Variants in KCNMB2 observed in about 807,000 individuals in gnomAD.
KCNMB2 encodes calcium-activated potassium channel subunit beta-2.
A neutral mutation model predicts 24.5 loss-of-function variants in KCNMB2; 9 were observed. That is an observed-to-expected ratio of 0.37 (90% confidence interval 0.22 to 0.64). KCNMB2 has a LOEUF of 0.64. KCNMB2 is among the 30% of genes least tolerant of loss of function. KCNMB2 has a pLI of 0.63. For missense variants in KCNMB2, 226 were observed against 284.3 expected (o/e 0.79, Z 1.47); for synonymous variants, 109 against 104.4 (o/e 1.04, Z -0.27).
intron 1 of KCNMB2, among the ~76,000 whole-genome samples, chr3:178,617,822 C>CAGAGATTGCAG (rs1718764800): frequency 6.9e-6 from 1 of 145,286 alleles, no homozygotes; most frequent in African/African-American, 2.6e-5. Context: ...ACCCAGGAGG[C>CAGAGATTGCAG]AGAGATTGCA....
intron 1 of KCNMB2, among the ~76,000 whole-genome samples, chr3:178,683,976 A>G (rs1215975337): frequency 6.6e-6 from 1 of 152,162 alleles, no homozygotes; most frequent in Non-Finnish European, 1.5e-5. Flanking sequence ...AGAGTAAATG[A>G]GAAGTGGAGA....
chr3:178,624,145 A>C (rs1024728348), intron 1 of KCNMB2, among the ~76,000 whole-genome samples: 2 of 152,198 alleles, frequency 1.3e-5, no homozygotes, highest in African/African-American at 4.8e-5. Context: ...TGCCACCAGC[A>C]TTCAAGTAAG....
intron 1 of KCNMB2, among the ~76,000 whole-genome samples, chr3:178,735,424 T>A (rs958768758): frequency 6.6e-6 from 1 of 152,232 alleles, no homozygotes; most frequent in Non-Finnish European, 1.5e-5. Flanking sequence ...TAGAGCAGAT[T>A]ATCTGCATAA....
chr3:178,614,297 G>GTA (rs1718620687), intron 1 of KCNMB2, among the ~76,000 whole-genome samples: 2 of 54,594 alleles, frequency 3.7e-5, no homozygotes, highest in African/African-American at 1.4e-4. Context: ...ATATATATAT[G>GTA]TATGTATATA....
chr3:178,558,360 C>T (rs34468918), intron 1 of KCNMB2, among the ~76,000 whole-genome samples: 53,430 of 152,088 alleles, frequency 0.35, 10,610 homozygotes, highest in East Asian at 0.6. Context: ...TAAAAAGGAG[C>T]TGTGTGTGTA....
At chr3:178,634,145 G>C (rs1019566621) in intron 1 of KCNMB2, among the ~76,000 whole-genome samples, 3 of 152,132 alleles carry the variant, frequency 2.0e-5, no homozygotes, top group African/African-American at 7.2e-5. Context: ...CAAGTCTCTA[G>C]AAAGTTCCAA....
intron 1 of KCNMB2, among the ~76,000 whole-genome samples, chr3:178,682,494 C>G (rs557345204): frequency 1.3e-5 from 2 of 152,198 alleles, no homozygotes; most frequent in South Asian, 4.2e-4. Context: ...AGTTCTAAGT[C>G]AACACTGTCC....
chr3:178,631,722 C>T (rs1719326619), intron 1 of KCNMB2, among the ~76,000 whole-genome samples: 1 of 152,174 alleles, frequency 6.6e-6, no homozygotes, highest in Non-Finnish European at 1.5e-5. Flanking sequence ...AATGGGACTA[C>T]TAACTAAAAT....
intron 1 of KCNMB2, among the ~76,000 whole-genome samples, chr3:178,768,755 A>T (rs1712226049): frequency 6.6e-6 from 1 of 152,204 alleles, no homozygotes; most frequent in Non-Finnish European, 1.5e-5. Flanking sequence ...TTTTCGCCTC[A>T]TAGATCTTAC....
At chr3:178,561,511 C>T (rs544429970) in intron 1 of KCNMB2, among the ~76,000 whole-genome samples, 17 of 152,266 alleles carry the variant, frequency 1.1e-4, no homozygotes, top group African/African-American at 3.9e-4. Flanking sequence ...CCTTTTCACG[C>T]CTAAATCTCC....
chr3:178,649,938 G>A (rs1720049870), intron 1 of KCNMB2, among the ~76,000 whole-genome samples: 1 of 152,032 alleles, frequency 6.6e-6, no homozygotes, highest in Non-Finnish European at 1.5e-5. Flanking sequence ...TGATGTTAGG[G>A]TATTGATCTT....
At chr3:178,661,807 T>G (rs1478826096) in intron 1 of KCNMB2, among the ~76,000 whole-genome samples, 2 of 152,230 alleles carry the variant, frequency 1.3e-5, no homozygotes, top group Admixed American at 1.3e-4. Context: ...CACATTGAAG[T>G]GTGAGAAGCT....
intron 1 of KCNMB2, among the ~76,000 whole-genome samples, chr3:178,666,227 T>C (rs780017439): frequency 1.3e-5 from 2 of 152,128 alleles, no homozygotes; most frequent in Non-Finnish European, 2.9e-5. Context: ...ACTACTTACA[T>C]TTGCAAGAGG....
At chr3:178,552,323 T>G (rs185604152) in intron 1 of KCNMB2, among the ~76,000 whole-genome samples, 68 of 152,304 alleles carry the variant, frequency 4.5e-4, no homozygotes, top group African/African-American at 1.3e-3. Flanking sequence ...TTCCTATTCT[T>G]TTCTTAACAT....
chr3:178,590,991 G>A (rs1717649146), intron 1 of KCNMB2, among the ~76,000 whole-genome samples: 1 of 152,086 alleles, frequency 6.6e-6, no homozygotes, highest in African/African-American at 2.4e-5. Context: ...CATGATCCAT[G>A]ATCCACTAAA....
chr3:178,651,077 A>G (rs183789429), intron 1 of KCNMB2, among the ~76,000 whole-genome samples: 4 of 152,326 alleles, frequency 2.6e-5, no homozygotes, highest in African/African-American at 9.6e-5. Context: ...GGCAAGAGAA[A>G]GAAACAAAGG....
At chr3:178,653,845 C>G (rs570311363) in intron 1 of KCNMB2, among the ~76,000 whole-genome samples, 7 of 152,168 alleles carry the variant, frequency 4.6e-5, no homozygotes, top group Admixed American at 1.3e-4. Flanking sequence ...TTGAAATTGG[C>G]CTATAATTTT....
At chr3:178,709,210 A>T (rs942076656) in intron 1 of KCNMB2, among the ~76,000 whole-genome samples, 2 of 152,162 alleles carry the variant, frequency 1.3e-5, no homozygotes, top group Non-Finnish European at 2.9e-5. Flanking sequence ...TTAAAATTCA[A>T]ACAGGAGGAT....
chr3:178,782,642 GTTT>G (rs1212355634), intron 1 of KCNMB2, among the ~76,000 whole-genome samples: 2 of 147,106 alleles, frequency 1.4e-5, no homozygotes, highest in African/African-American at 5.0e-5. Context: ...GGGGTTGTTT[GTTT>G]TTTTCTTGTA....
Sources: allele counts gnomAD v4.1 joint callset (sites outside exome capture counted in the v4.1 genomes callset), GRCh38; gene constraint gnomAD v4.1.1; transcripts MANE v1.5; gene names NCBI Gene and HGNC (gene_info 2026-07-23, HGNC 2026-07-21).